The following SDK1 variants were observed in gnomAD, a reference collection of about 807,000 sequenced individuals.
SDK1 encodes the protein sidekick cell adhesion molecule 1, also known as protein sidekick-1.
Under a neutral mutation model 245.5 loss-of-function variants are expected in SDK1, and 157 were observed. The observed-to-expected ratio is 0.64, with a 90% CI of 0.56 to 0.73. The LOEUF is 0.73. Ranked by LOEUF, SDK1 falls within the 30% of genes least tolerant of loss-of-function variation. The pLI is 0.00. For synonymous variants in SDK1, 1,647 were observed against 1,278.5 expected (o/e 1.29, Z -6.15); for missense variants, 3,583 against 3,002.3 (o/e 1.19, Z -4.52).
chr7:3,596,108 A>C (rs1360831094), intron 1 of SDK1, among the ~76,000 whole-genome samples: 1 of 152,136 alleles, frequency 6.6e-6, no homozygotes, highest in Admixed American at 6.5e-5. Context: ...TAAAAATTCC[A>C]AATCTGAAAT....
At chr7:3,676,951 A>G (rs566376322) in intron 4 of SDK1, among the ~76,000 whole-genome samples, 12 of 152,160 alleles carry the variant, frequency 7.9e-5, no homozygotes, top group Admixed American at 5.9e-4. Flanking sequence ...TGATGCTTCA[A>G]CTTTGTTCTT....
intron 1 of SDK1, among the ~76,000 whole-genome samples, chr7:3,510,358 A>G (rs2128611287): frequency 6.6e-6 from 1 of 152,210 alleles, no homozygotes; most frequent in East Asian, 1.9e-4. Context: ...GTATTACTGA[A>G]TAATGTGGCT....
intron 22 of SDK1, among the ~76,000 whole-genome samples, chr7:4,090,442 A>C (rs748365442): frequency 6.6e-6 from 1 of 152,188 alleles, no homozygotes; most frequent in Admixed American, 6.5e-5. Flanking sequence ...AATTATCATC[A>C]GTGTGGACTC....
At chr7:3,926,854 AC>A (rs1321391964) in intron 5 of SDK1, among the ~76,000 whole-genome samples, 1 of 152,156 alleles carries the variant, frequency 6.6e-6, no homozygotes, top group Non-Finnish European at 1.5e-5. Context: ...CAGGCTTCTT[AC>A]CTGTAAAACA....
At chr7:3,803,745 CTTTTTTTTT>C (rs60802259) in intron 4 of SDK1, among the ~76,000 whole-genome samples, 1 of 119,978 alleles carries the variant, frequency 8.3e-6, no homozygotes, top group Non-Finnish European at 1.7e-5. Context: ...GTATTTTCCT[CTTTTTTTTT>C]TTTTTTTTTT....
chr7:4,038,570 G>T (rs1788379873), intron 17 of SDK1, among the ~76,000 whole-genome samples: 1 of 152,170 alleles, frequency 6.6e-6, no homozygotes, highest in South Asian at 2.1e-4. Flanking sequence ...TCTTCTAATG[G>T]TATTATTCGA....
At chr7:3,412,522 C>G (rs1779239056) in intron 1 of SDK1, among the ~76,000 whole-genome samples, 1 of 152,190 alleles carries the variant, frequency 6.6e-6, no homozygotes, top group Admixed American at 6.5e-5. Context: ...TTTAACCAGT[C>G]TCTTGTTCAT....
intron 13 of SDK1, among the ~76,000 whole-genome samples, chr7:3,981,461 G>C (rs962004465): frequency 8.6e-6 from 1 of 115,826 alleles, no homozygotes. Flanking sequence ...CTAGAAAGCA[G>C]ACTGGAAATG....
chr7:3,970,513 GT>G (rs1482508838), intron 11 of SDK1, among the ~76,000 whole-genome samples: 1 of 152,204 alleles, frequency 6.6e-6, no homozygotes, highest in Admixed American at 6.5e-5. Context: ...TGAGGTTGCA[GT>G]TTTTTGAACT....
At chr7:4,058,191 A>G (rs527843181) in intron 19 of SDK1, among the ~76,000 whole-genome samples, 1 of 152,324 alleles carries the variant, frequency 6.6e-6, no homozygotes, top group South Asian at 2.1e-4. Flanking sequence ...GAAATTTACC[A>G]AAGAGATAAA....
chr7:4,135,254 C>T (rs1188792760), intron 28 of SDK1, among the ~76,000 whole-genome samples: 1 of 152,196 alleles, frequency 6.6e-6, no homozygotes, highest in Non-Finnish European at 1.5e-5. Flanking sequence ...TGTGATAATG[C>T]CAAGTTTACA....
intron 5 of SDK1, among the ~76,000 whole-genome samples, chr7:3,917,616 A>G (rs1455239368): frequency 6.6e-6 from 1 of 152,144 alleles, no homozygotes; most frequent in Non-Finnish European, 1.5e-5. Flanking sequence ...CTGTTTGAGT[A>G]AAGCCTGATG....
intron 1 of SDK1, among the ~76,000 whole-genome samples, chr7:3,303,520 T>C (rs1779337110): frequency 6.6e-6 from 1 of 152,172 alleles, no homozygotes; most frequent in South Asian, 2.1e-4. Context: ...TTTTAACAAC[T>C]GAAATGTTAA....
At chr7:3,591,646 G>A (rs1780878744) in intron 1 of SDK1, among the ~76,000 whole-genome samples, 1 of 152,208 alleles carries the variant, frequency 6.6e-6, no homozygotes, top group Admixed American at 6.5e-5. Flanking sequence ...TCTGCTGTAC[G>A]TTGATGGGTG....
intron 1 of SDK1, among the ~76,000 whole-genome samples, chr7:3,430,986 C>A (rs537771865): frequency 6.6e-6 from 1 of 152,168 alleles, no homozygotes; most frequent in Non-Finnish European, 1.5e-5. Flanking sequence ...CTGCAACCTC[C>A]GCCTCTCGGG....
intron 2 of SDK1, among the ~76,000 whole-genome samples, chr7:3,623,245 C>CTTTTTTTTT (rs1183056855): frequency 1.7e-5 from 2 of 117,964 alleles, no homozygotes; most frequent in Non-Finnish European, 3.5e-5. Context: ...TGTTGTATTT[C>CTTTTTTTTT]TTTTTTTTTT....
chr7:3,560,577 T>C (rs533855112), intron 1 of SDK1, among the ~76,000 whole-genome samples: 2 of 152,324 alleles, frequency 1.3e-5, no homozygotes, highest in South Asian at 2.1e-4. Context: ...ACTGGGTTTT[T>C]AGCTGGCCTG....
chr7:3,835,103 T>G (rs955472404), intron 5 of SDK1, among the ~76,000 whole-genome samples: 1 of 152,184 alleles, frequency 6.6e-6, no homozygotes, highest in African/African-American at 2.4e-5. Flanking sequence ...TGATCAAATG[T>G]TATCTCTAGG....
chr7:4,069,333 T>G (rs771209370), intron 20 of SDK1, among the ~76,000 whole-genome samples: 3 of 152,224 alleles, frequency 2.0e-5, no homozygotes, highest in Non-Finnish European at 2.9e-5. Context: ...CAAGGATTTC[T>G]AGCAAGCCAC....
Sources: allele counts gnomAD v4.1 joint callset (sites outside exome capture counted in the v4.1 genomes callset), GRCh38; gene constraint gnomAD v4.1.1; transcripts MANE v1.5; gene names NCBI Gene and HGNC (gene_info 2026-07-23, HGNC 2026-07-21).